The following RNF220 variants were observed in gnomAD, a reference collection of about 807,000 sequenced individuals.
RNF220 encodes the protein E3 ubiquitin-protein ligase RNF220.
A neutral mutation model predicts 67.1 loss-of-function variants in RNF220; 7 were observed. The observed-to-expected ratio is 0.10, with a 90% CI of 0.06 to 0.20. RNF220 has a LOEUF of 0.20. Ranked by LOEUF, RNF220 falls within the 10% of genes least tolerant of loss-of-function variation. The pLI, the probability that RNF220 is intolerant of heterozygous loss-of-function variation, is 1.00. For missense variants in RNF220, 565 were observed against 740.3 expected (o/e 0.76, Z 2.75); for synonymous variants, 270 against 283.2 (o/e 0.95, Z 0.47).
At chr1:44,585,461 A>G (rs1162157643) in intron 2 of RNF220, among the ~76,000 whole-genome samples, 1 of 152,080 alleles carries the variant, frequency 6.6e-6, no homozygotes, top group Non-Finnish European at 1.5e-5. Flanking sequence ...CTTCCCTCCC[A>G]TTCACTCCGT....
In RNF220 at chr1:44,509,884, C is replaced by CAAAAAAAAA. The variant is rs1557996558; in HGVS notation, c.625+97162_625+97163insAAAAAAAAA. 6.6e-3 allele frequency among the ~76,000 whole-genome samples: 533 copies of CAAAAAAAAA among 80,386 alleles called. 77 individuals are homozygous for CAAAAAAAAA. The highest frequency in any genetic ancestry group is 0.018 in the African/African-American group (385 of 21,250). 52.7% of individuals were successfully genotyped at this position (80,386 alleles called of 152,430 possible). ...CCTGGGTGACAGAGCGAGACCCTGTCCAAAAAAAAAAAAAAAAAAAAAGGA... is the reference window on the plus strand; with the variant it reads ...CCTGGGTGACAGAGCGAGACCCTGTCAAAAAAAAACAAAAAAAAAAAAAAAAAAAAAGGA... On this transcript the variant is annotated intron_variant, in intron 2 of 14. Transcript: ENST00000361799.
intron 4 of RNF220, among the ~76,000 whole-genome samples, chr1:44,625,569 G>T (rs542911164): frequency 2.6e-5 from 4 of 152,180 alleles, no homozygotes; most frequent in Admixed American, 1.3e-4. Flanking sequence ...TGGAGAAGGT[G>T]GGGGGAGGAA....
At chr1:44,513,950 C>T (rs944677223) in intron 2 of RNF220, among the ~76,000 whole-genome samples, 1 of 152,204 alleles carries the variant, frequency 6.6e-6, no homozygotes, top group Admixed American at 6.5e-5. Context: ...GCAGAAAGAG[C>T]CTAAGAGAAG....
intron 8 of RNF220, among the ~76,000 whole-genome samples, chr1:44,637,915 G>A (rs1245908115): frequency 6.6e-6 from 1 of 152,248 alleles, no homozygotes. Flanking sequence ...AGAAGCTGCT[G>A]CCGCCTCTTA....
At chr1:44,433,086 C>T (rs1483279014) in intron 2 of RNF220, among the ~76,000 whole-genome samples, 2 of 152,086 alleles carry the variant, frequency 1.3e-5, no homozygotes, top group Admixed American at 6.5e-5. Flanking sequence ...TGCGTCACTA[C>T]ACCTGGCTAA....
At chr1:44,441,378 T>G (rs1281653066) in intron 2 of RNF220, among the ~76,000 whole-genome samples, 1 of 152,198 alleles carries the variant, frequency 6.6e-6, no homozygotes, top group Admixed American at 6.5e-5. Flanking sequence ...AGATCTAGTA[T>G]TTTCTAGGGT....
intron 2 of RNF220, among the ~76,000 whole-genome samples, chr1:44,440,588 C>G (rs1340761741): frequency 6.6e-6 from 1 of 152,212 alleles, no homozygotes; most frequent in Admixed American, 6.5e-5. Flanking sequence ...AGACATTTGA[C>G]CAATATACAG....
chr1:44,523,618 G>A (rs1263059159), intron 2 of RNF220, among the ~76,000 whole-genome samples: 1 of 152,194 alleles, frequency 6.6e-6, no homozygotes, highest in Admixed American at 6.5e-5. Flanking sequence ...ATGGGGTCAG[G>A]TCCAAGACCA....
At chr1:44,627,111 C>A (rs1428460961) in intron 5 of RNF220, 1 of 146,804 alleles carries the variant, frequency 6.8e-6, no homozygotes, top group Non-Finnish European at 1.5e-5. Context: ...CTTTGAGAGG[C>A]CGAGGCGGGC....
intron 3 of RNF220, among the ~76,000 whole-genome samples, chr1:44,616,116 G>T (rs1408305677): frequency 1.3e-5 from 2 of 152,208 alleles, no homozygotes; most frequent in East Asian, 1.9e-4. Flanking sequence ...TTCCCACAGA[G>T]CATGCAGTCC....
intron 5 of RNF220, chr1:44,631,948 C>G: frequency 1.0e-6 from 1 of 990,716 alleles, no homozygotes. Flanking sequence ...CAGCGCGCGA[C>G]GGCGGCAGAT....
chr1:44,642,703 T>A (rs181898591), intron 8 of RNF220, among the ~76,000 whole-genome samples: 1 of 152,160 alleles, frequency 6.6e-6, no homozygotes, highest in Non-Finnish European at 1.5e-5. Flanking sequence ...CCTGGCAGCT[T>A]TGGGGTACCC....
chr1:44,430,942 TA>T (rs1291431499), intron 2 of RNF220, among the ~76,000 whole-genome samples: 3 of 152,236 alleles, frequency 2.0e-5, no homozygotes, highest in African/African-American at 7.2e-5. Context: ...GATGAATTGA[TA>T]AAACTGAATG....
chr1:44,642,074 C>T (rs2148499955), intron 8 of RNF220, among the ~76,000 whole-genome samples: 1 of 152,370 alleles, frequency 6.6e-6, no homozygotes, highest in Admixed American at 6.5e-5. Flanking sequence ...AGCCATCAGC[C>T]TGGCCAGCTC....
chr1:44,463,107 C>T (rs1406866691), intron 2 of RNF220, among the ~76,000 whole-genome samples: 3 of 152,040 alleles, frequency 2.0e-5, no homozygotes, highest in Admixed American at 1.3e-4. Context: ...GAGACTGAGG[C>T]GGGCAGATCA....
chr1:44,460,503 T>C (rs1653655523), intron 2 of RNF220, among the ~76,000 whole-genome samples: 1 of 152,138 alleles, frequency 6.6e-6, no homozygotes, highest in African/African-American at 2.4e-5. Context: ...AAAAAATATG[T>C]CAGTAGGCTG....
intron 2 of RNF220, among the ~76,000 whole-genome samples, chr1:44,558,325 G>A (rs1356637321): frequency 6.6e-6 from 1 of 152,168 alleles, no homozygotes; most frequent in African/African-American, 2.4e-5. Context: ...CACACCAAGG[G>A]CCATACCTTT....
At chr1:44,541,514 A>G (rs892138136) in intron 2 of RNF220, among the ~76,000 whole-genome samples, 5 of 152,268 alleles carry the variant, frequency 3.3e-5, no homozygotes, top group African/African-American at 9.6e-5. Context: ...CAACATTGTC[A>G]GTATTTATCA....
At chr1:44,480,515 A>C (rs7550326) in intron 2 of RNF220, among the ~76,000 whole-genome samples, 17,367 of 152,196 alleles carry the variant, frequency 0.11, 2,961 homozygotes, top group African/African-American at 0.37. Flanking sequence ...TAACTCTAAC[A>C]TTTAAAGATG....
Sources: allele counts gnomAD v4.1 joint callset (sites outside exome capture counted in the v4.1 genomes callset), GRCh38; gene constraint gnomAD v4.1.1; transcripts MANE v1.5; gene names NCBI Gene and HGNC (gene_info 2026-07-23, HGNC 2026-07-21).